The following UTRN variants were observed in gnomAD, a reference collection of about 807,000 sequenced individuals.
UTRN encodes the protein utrophin.
A neutral mutation model predicts 463.9 loss-of-function variants in UTRN; 283 were observed. The observed-to-expected ratio is 0.61, with a 90% CI of 0.55 to 0.67. The LOEUF (loss-of-function observed/expected upper bound fraction) is 0.67, where lower values mean the gene tolerates loss of function less well. Ranked by LOEUF, UTRN falls within the 30% of genes least tolerant of loss-of-function variation. UTRN has a pLI of 0.00. For synonymous variants in UTRN, 1,442 were observed against 1,431.5 expected (o/e 1.01, Z -0.17); for missense variants, 3,922 against 4,084.3 (o/e 0.96, Z 1.08).
At chr6:144,328,711 G>T (rs1331809942) in intron 2 of UTRN, among the ~76,000 whole-genome samples, 1 of 152,068 alleles carries the variant, frequency 6.6e-6, no homozygotes, top group African/African-American at 2.4e-5. Context: ...TCTGTTAATA[G>T]ATCAGGGTTT....
At chr6:144,442,231 T>A (rs1787253462) in intron 13 of UTRN, among the ~76,000 whole-genome samples, 1 of 152,192 alleles carries the variant, frequency 6.6e-6, no homozygotes, top group African/African-American at 2.4e-5. Flanking sequence ...TATGATCTGT[T>A]TCCTTTATAA....
intron 3 of UTRN, among the ~76,000 whole-genome samples, chr6:144,421,662 C>T (rs1407901091): frequency 1.3e-5 from 2 of 151,482 alleles, no homozygotes; most frequent in Non-Finnish European, 2.9e-5. Context: ...GCACTCCAGC[C>T]TGGGCGACAG....
At chr6:144,564,486 G>C (rs1246451625) in intron 50 of UTRN, among the ~76,000 whole-genome samples, 1 of 152,164 alleles carries the variant, frequency 6.6e-6, no homozygotes, top group East Asian at 1.9e-4. Context: ...AAGACATGGG[G>C]TATTAGTCCG....
intron 57 of UTRN, among the ~76,000 whole-genome samples, chr6:144,756,002 A>G (rs551914002): frequency 2.8e-4 from 42 of 151,796 alleles, no homozygotes; most frequent in African/African-American, 1.0e-3. Context: ...TCAACTCCAT[A>G]CAGTTTTTCT....
intron 53 of UTRN, among the ~76,000 whole-genome samples, chr6:144,728,016 C>T (rs1438097837): frequency 1.3e-5 from 2 of 150,758 alleles, no homozygotes; most frequent in African/African-American, 4.9e-5. Context: ...AGGAGAATCA[C>T]TTGAACCTGA....
chr6:144,331,721 C>G (rs200985214), intron 2 of UTRN, among the ~76,000 whole-genome samples: 1 of 152,092 alleles, frequency 6.6e-6, no homozygotes, highest in East Asian at 1.9e-4. Context: ...CGTGGTAAGA[C>G]GTGTGCTCAT....
intron 67 of UTRN, 52 bp downstream of exon 67, chr6:144,827,438 G>T: frequency 6.2e-7 from 1 of 1,610,758 alleles, no homozygotes; most frequent in African/African-American, 1.3e-5. Flanking sequence ...AGTGGTACTA[G>T]CATGGGGGTC....
intron 58 of UTRN, chr6:144,758,197 G>T (rs1378751700): frequency 1.3e-5 from 5 of 383,834 alleles, no homozygotes; most frequent in Non-Finnish European, 1.8e-5. Flanking sequence ...GGTGTGTTTA[G>T]CTGATATATT....
chr6:144,559,754 G>A lies in UTRN; in HGVS notation c.7289+2443G>A, dbSNP rs138462577. Among the ~76,000 whole-genome samples the A allele has an allele frequency of 4.6e-5, 7 of 152,076 alleles. No individual in the cohort carries two copies. In the East Asian group the frequency reaches 1.2e-3, roughly 25 times the overall value. On this transcript the variant is annotated intron_variant, in intron 50 of 74. Coordinates refer to ENST00000367545, the MANE Select transcript of UTRN (RefSeq NM_007124.3). ...ATGATATACTGTGTACTGTATGGTT[G>A]TGCTTTATACATAAAAAGAATACAT... is the stretch of plus-strand genomic sequence containing the variant.
chr6:144,709,504 C>G (rs983352948), intron 53 of UTRN, among the ~76,000 whole-genome samples: 2 of 152,136 alleles, frequency 1.3e-5, no homozygotes, highest in Middle Eastern at 3.2e-3. Context: ...CCTCAGATGG[C>G]TTGATACTAA....
At chr6:144,557,068 T>G in intron 49 of UTRN, 89 bp from the exon 50 acceptor site, 2 of 1,471,458 alleles carry the variant, frequency 1.4e-6, no homozygotes, top group South Asian at 2.8e-5. Flanking sequence ...ATCTAAAGCA[T>G]GTCAAAATCT....
chr6:144,480,371 A>G (rs1791722831), intron 26 of UTRN, among the ~76,000 whole-genome samples: 1 of 152,244 alleles, frequency 6.6e-6, no homozygotes, highest in African/African-American at 2.4e-5. Context: ...CAGTGGCATT[A>G]ATTGCATTCA....
Position 144,522,116 on chromosome 6 carries a change from C to T in UTRN, c.5678C>T (p.Pro1893Leu), listed in dbSNP as rs148691257. 1.9e-4 allele frequency: 305 copies of T among 1,585,882 alleles called. No homozygotes were observed. The highest frequency in any genetic ancestry group is 2.4e-4 in the Non-Finnish European group (280 of 1,167,512). ...GATGTTGAATTATCGCTTAATGTTC[C>T]AGAGCTCAACACTGCTATTTACGAA... ...MDDVELSLNV[P>L]ELNTAIYEDF... The change falls in exon 40 of 75, where the codon CCA becomes CTA. Residue 1893 changes from proline to leucine, a missense_variant. Coordinates refer to ENST00000367545, the MANE Select transcript of UTRN (RefSeq NM_007124.3).
At chr6:144,409,735 C>T (rs149514337) in intron 3 of UTRN, among the ~76,000 whole-genome samples, 190 of 152,276 alleles carry the variant, frequency 1.2e-3, no homozygotes, top group African/African-American at 4.5e-3. Flanking sequence ...TAACCATCCA[C>T]CAGCCATGAG....
intron 65 of UTRN, among the ~76,000 whole-genome samples, chr6:144,804,063 T>C (rs543953055): frequency 6.6e-6 from 1 of 152,330 alleles, no homozygotes; most frequent in South Asian, 2.1e-4. Context: ...TATTAATAGC[T>C]ATTCTTTTAC....
chr6:144,740,504 A>C (rs1041445588), intron 54 of UTRN, among the ~76,000 whole-genome samples: 1 of 152,242 alleles, frequency 6.6e-6, no homozygotes, highest in Non-Finnish European at 1.5e-5. Context: ...CCTATAGACC[A>C]CGACAATAAT....
At chr6:144,628,050 C>T (rs556827758) in intron 51 of UTRN, among the ~76,000 whole-genome samples, 22 of 152,226 alleles carry the variant, frequency 1.4e-4, no homozygotes, top group South Asian at 2.1e-4. Flanking sequence ...CCACCCGCCT[C>T]GGCCTCCCAA....
rs558236264 is a variant in UTRN, at chr6:144,839,759, C to T, written c.10177+475C>T. Among the ~76,000 whole-genome samples, 14 of 152,286 alleles carry T rather than the reference C, an allele frequency of 9.2e-5. 1 individual carries two copies. The highest frequency in any genetic ancestry group is 3.1e-4 in the African/African-American group (13 of 41,554). On this transcript the variant is annotated intron_variant, in intron 72 of 74. Coordinates refer to ENST00000367545, the MANE Select transcript of UTRN (RefSeq NM_007124.3). ...TGTCCCATCAGAGGCAGCGGTCCCA[C>T]GCAGCCTGTCCTTGGTCACAATGGG...
chr6:144,415,920 G>A (rs1275582206), intron 3 of UTRN, among the ~76,000 whole-genome samples: 2 of 152,116 alleles, frequency 1.3e-5, no homozygotes, highest in Non-Finnish European at 2.9e-5. Context: ...TAGGTTAGAG[G>A]TGGAGAAGAA....
Sources: gnomAD v4.1 joint callset for allele counts (sites outside exome capture counted in the v4.1 genomes callset) on GRCh38, gnomAD v4.1.1 for gene constraint, MANE v1.5 for transcripts, NCBI Gene and HGNC (gene_info 2026-07-23, HGNC 2026-07-21) for gene names.